The following FIG4 variants were observed in gnomAD, a reference collection of about 807,000 sequenced individuals.
FIG4 encodes the protein FIG4 phosphoinositide 5-phosphatase, also known as polyphosphoinositide phosphatase.
In FIG4, 112 loss-of-function variants were observed where a neutral mutation model predicts 118.6. The observed-to-expected ratio is 0.94, with a 90% CI of 0.81 to 1.11. FIG4 has a LOEUF of 1.11. FIG4 is among the 50% of genes least tolerant of loss of function. The probability of loss-of-function intolerance (pLI) is 0.00; values close to 1 mark genes in which losing one functional copy is unlikely to be tolerated. For missense variants in FIG4, 969 were observed against 1,111.7 expected (o/e 0.87, Z 1.83); for synonymous variants, 369 against 381.2 (o/e 0.97, Z 0.37).
At chr6:109,693,941 T>TATAA (rs1376597251) in intron 1 of FIG4, among the ~76,000 whole-genome samples, 1 of 151,744 alleles carries the variant, frequency 6.6e-6, no homozygotes, top group African/African-American at 2.4e-5. Context: ...AAGCTCAAAG[T>TATAA]ATAAATAAAT....
At chr6:109,702,583 A>C (rs942591222) in intron 1 of FIG4, among the ~76,000 whole-genome samples, 3 of 152,186 alleles carry the variant, frequency 2.0e-5, no homozygotes, top group Non-Finnish European at 4.4e-5. Flanking sequence ...ACCTACTTGC[A>C]TGTATATATG....
At chr6:109,706,318 T>C (rs1183172475) in intron 1 of FIG4, among the ~76,000 whole-genome samples, 2 of 152,336 alleles carry the variant, frequency 1.3e-5, no homozygotes, top group East Asian at 1.9e-4. Flanking sequence ...CCCAAAGTCC[T>C]GCTTAGAGGT....
intron 16 of FIG4, among the ~76,000 whole-genome samples, chr6:109,778,292 C>A (rs534860143): frequency 2.0e-4 from 28 of 143,438 alleles, no homozygotes; most frequent in Admixed American, 1.9e-3. Flanking sequence ...GAAACCCCAT[C>A]TCTACTAAAA....
rs772618305 is a variant in FIG4 at position 109,825,275 on chromosome 6, A to G, written c.*10A>G. 7 of 1,613,332 alleles carry G rather than the reference A, an allele frequency of 4.3e-6. No individual in the cohort carries two copies. Among genetic ancestry groups the G allele is most frequent in the Non-Finnish European group, 5.9e-6 (7 of 1,179,312 alleles). Reference sequence around the variant, plus strand: ...GAACCGCTACCTGTGAAAAGAGCGCAGGTCCACCTGGTGGACACGTCTGAT... The same window carrying G: ...GAACCGCTACCTGTGAAAAGAGCGCGGGTCCACCTGGTGGACACGTCTGAT... On this transcript the variant is annotated 3_prime_UTR_variant, in exon 23 of 23. Coordinates refer to ENST00000230124, the MANE Select transcript of FIG4 (RefSeq NM_014845.6).
At chr6:109,737,878 GT>G (rs945704858) in intron 6 of FIG4, among the ~76,000 whole-genome samples, 27 of 152,102 alleles carry the variant, frequency 1.8e-4, no homozygotes, top group Admixed American at 1.6e-3. Context: ...GGGAGCAGAG[GT>G]GCCGTGCTCC....
chr6:109,811,743 G>A (rs1446387878), intron 22 of FIG4, among the ~76,000 whole-genome samples: 2 of 152,294 alleles, frequency 1.3e-5, no homozygotes, highest in East Asian at 3.9e-4. Context: ...AGAGTGCTTG[G>A]AGCAGGTACA....
rs781038961 is a variant in FIG4 at position 109,786,349 on chromosome 6, A to G, written c.1996A>G (p.Lys666Glu). 1.9e-6 allele frequency: 3 copies of G among 1,613,612 alleles called. No individual in the cohort carries two copies. Among genetic ancestry groups the G allele is most frequent in the Non-Finnish European group, 2.5e-6 (3 of 1,179,506 alleles). ...LKKLIVKKFH[K>E]YEEEIDIHNE... ...GAAGTTGATAGTGAAGAAATTCCACAAATATGAAGAAGAGATTGATATCCA... is the reference window on the plus strand; with the variant it reads ...GAAGTTGATAGTGAAGAAATTCCACGAATATGAAGAAGAGATTGATATCCA... The change falls in exon 18 of 23, where the codon AAA (lysine) becomes GAA (glutamate). Residue 666 changes from lysine to glutamate, a missense_variant. Lys to Glu is a moderately conservative substitution (Grantham distance 56, BLOSUM62 1). Coordinates refer to ENST00000230124, the MANE Select transcript of FIG4 (RefSeq NM_014845.6).
chr6:109,698,131 G>A (rs1272777020), intron 1 of FIG4, among the ~76,000 whole-genome samples: 4 of 151,072 alleles, frequency 2.6e-5, no homozygotes, highest in Admixed American at 1.3e-4. Context: ...CTTGTGATCC[G>A]CCCGCCTCAG....
chr6:109,760,253 CGAGA>C lies in FIG4; in HGVS notation c.1144_1147del (p.Glu382LysfsTer8). 1 of 1,612,804 alleles carries C rather than the reference CGAGA, an allele frequency of 6.2e-7. No homozygotes were observed. Among genetic ancestry groups the C allele is most frequent in the Non-Finnish European group, 8.5e-7 (1 of 1,178,960 alleles). ...AAATGTTTAATTTTTGATAAAGGAA[CGAGA>C]GAAAAGAAAGCATGAAAGAATTCTG... On this transcript the variant is annotated frameshift_variant, in exon 11 of 23. Coordinates refer to ENST00000230124, the MANE Select transcript of FIG4 (RefSeq NM_014845.6). LOFTEE classifies it high-confidence loss of function.
chr6:109,741,992 G>A (rs1776338711), intron 8 of FIG4, among the ~76,000 whole-genome samples: 1 of 151,972 alleles, frequency 6.6e-6, no homozygotes, highest in African/African-American at 2.4e-5. Flanking sequence ...ACCCATGGAT[G>A]TGGGGGGCTG....
chr6:109,733,489 A>G (rs1562651939), intron 5 of FIG4, among the ~76,000 whole-genome samples: 1 of 152,104 alleles, frequency 6.6e-6, no homozygotes, highest in African/African-American at 2.4e-5. Context: ...GACCTAGAGC[A>G]TTTGTAGCTG....
chr6:109,788,804 G>T (rs1489279544), intron 18 of FIG4, among the ~76,000 whole-genome samples: 4 of 152,132 alleles, frequency 2.6e-5, no homozygotes, highest in Non-Finnish European at 5.9e-5. Flanking sequence ...TCAGTCACAC[G>T]CTTGGAGCAG....
chr6:109,802,075 G>A (rs1778441072), intron 22 of FIG4, among the ~76,000 whole-genome samples: 1 of 152,192 alleles, frequency 6.6e-6, no homozygotes, highest in Admixed American at 6.5e-5. Flanking sequence ...GAGCTCCTCA[G>A]CCCAAGGAAA....
intron 16 of FIG4, among the ~76,000 whole-genome samples, chr6:109,777,877 C>G (rs748705976): frequency 6.6e-6 from 1 of 152,082 alleles, no homozygotes; most frequent in African/African-American, 2.4e-5. Flanking sequence ...TGACCTGGGT[C>G]GAGTAATTTA....
At chr6:109,752,415 G>C (rs373296437) in intron 10 of FIG4, among the ~76,000 whole-genome samples, 70 of 151,460 alleles carry the variant, frequency 4.6e-4, no homozygotes, top group Non-Finnish European at 7.5e-4. Flanking sequence ...AATCGCCACA[G>C]TGACTTCCAC....
Position 109,735,170 on chromosome 6 carries a change from A to C in FIG4, c.518A>C (p.His173Pro). ...FYFSYSYDLS[H>P]SLQYNLTVLR... is the part of the protein sequence containing the mutation. ...CTCAGTTACAGCTATGATTTGTCCC[A>C]CTCACTTCAATATAATCTCACTGTC... Residue 173 changes from histidine to proline, a missense_variant, in exon 6 of 23, where the codon CAC becomes CCC. Coordinates refer to ENST00000230124, the MANE Select transcript of FIG4 (RefSeq NM_014845.6). 1.9e-6 allele frequency: 3 copies of C among 1,612,826 alleles called. No homozygotes were observed. Among genetic ancestry groups the C allele is most frequent in the Non-Finnish European group, 2.5e-6 (3 of 1,179,080 alleles).
At chr6:109,711,911 C>G (rs889549912) in intron 1 of FIG4, among the ~76,000 whole-genome samples, 2 of 152,062 alleles carry the variant, frequency 1.3e-5, no homozygotes, top group South Asian at 2.1e-4. Flanking sequence ...CTTTCCTTTC[C>G]GTATTTAGTG....
chr6:109,782,707 C>T (rs930037269), intron 16 of FIG4, among the ~76,000 whole-genome samples: 31 of 152,180 alleles, frequency 2.0e-4, no homozygotes, highest in African/African-American at 7.0e-4. Context: ...CACATGCATA[C>T]ACCCCTCTTA....
chr6:109,782,079 T>A (rs1195911860), intron 16 of FIG4, among the ~76,000 whole-genome samples: 1 of 152,104 alleles, frequency 6.6e-6, no homozygotes, highest in Non-Finnish European at 1.5e-5. Flanking sequence ...TCCCTAACCT[T>A]CCTATGGAAC....
Sources: gnomAD v4.1 joint callset for allele counts (sites outside exome capture counted in the v4.1 genomes callset) on GRCh38, gnomAD v4.1.1 for gene constraint, MANE v1.5 for transcripts, NCBI Gene and HGNC (gene_info 2026-07-23, HGNC 2026-07-21) for gene names.